The following OSBP2 variants were observed in gnomAD, a reference collection of about 807,000 sequenced individuals.
The protein encoded by OSBP2 is oxysterol-binding protein 2.
Under a neutral mutation model 96.0 loss-of-function variants are expected in OSBP2, and 66 were observed. That is an observed-to-expected ratio of 0.69 (90% CI 0.56 to 0.84). The LOEUF (loss-of-function observed/expected upper bound fraction) is 0.84, where lower values mean the gene tolerates loss of function less well. Ranked by LOEUF, OSBP2 falls within the 40% of genes least tolerant of loss-of-function variation. The probability of loss-of-function intolerance (pLI) is 0.00; values close to 1 mark genes in which losing one functional copy is unlikely to be tolerated. For synonymous variants in OSBP2, 525 were observed against 520.9 expected (o/e 1.01, Z -0.11); for missense variants, 1,038 against 1,222.7 (o/e 0.85, Z 2.25).
intron 2 of OSBP2, among the ~76,000 whole-genome samples, chr22:30,846,039 T>C (rs2038863577): frequency 6.6e-6 from 1 of 152,182 alleles, no homozygotes; most frequent in African/African-American, 2.4e-5. Context: ...TGTGGATATA[T>C]GTTTTCATTT....
intron 2 of OSBP2, among the ~76,000 whole-genome samples, chr22:30,859,730 G>C (rs1378239409): frequency 6.6e-6 from 1 of 152,246 alleles, no homozygotes; most frequent in Non-Finnish European, 1.5e-5. Flanking sequence ...GGAAAAGCAT[G>C]ATGGGCCGGA....
chr22:30,717,591 T>G (rs1969511729), intron 1 of OSBP2, among the ~76,000 whole-genome samples: 1 of 152,218 alleles, frequency 6.6e-6, no homozygotes, highest in Non-Finnish European at 1.5e-5. Flanking sequence ...TATAAAGCCC[T>G]GTACTTACAA....
chr22:30,836,388 GCTC>G (rs2038633282), intron 2 of OSBP2, among the ~76,000 whole-genome samples: 1 of 152,142 alleles, frequency 6.6e-6, no homozygotes. Flanking sequence ...CGACTTGCAG[GCTC>G]TACCCTTAGC....
intron 1 of OSBP2, among the ~76,000 whole-genome samples, chr22:30,712,657 C>T (rs986216181): frequency 2.0e-5 from 3 of 152,200 alleles, no homozygotes; most frequent in African/African-American, 7.2e-5. Context: ...GGATCACCCT[C>T]ATTTTACAGA....
intron 12 of OSBP2, among the ~76,000 whole-genome samples, chr22:30,897,676 G>A (rs952831163): frequency 2.0e-5 from 3 of 152,206 alleles, no homozygotes; most frequent in African/African-American, 4.8e-5. Context: ...GTGACTCAAC[G>A]CCTGTAATCC....
chr22:30,876,592 C>T (rs2039585135), intron 3 of OSBP2, among the ~76,000 whole-genome samples: 1 of 152,220 alleles, frequency 6.6e-6, no homozygotes, highest in Non-Finnish European at 1.5e-5. Context: ...GCCACCTGTC[C>T]CTGGTTGCGT....
chr22:30,884,882 C>T (rs916456271), intron 3 of OSBP2, among the ~76,000 whole-genome samples: 6 of 152,222 alleles, frequency 3.9e-5, no homozygotes, highest in African/African-American at 1.2e-4. Context: ...GCATTCCTGG[C>T]ACAGTCGCTG....
chr22:30,890,997 G>T lies in OSBP2; in HGVS notation c.1869+24G>T. 1 of 1,593,542 alleles carries T rather than the reference G, an allele frequency of 6.3e-7. No homozygotes were observed. The highest frequency in any genetic ancestry group is 8.5e-7 in the Non-Finnish European group (1 of 1,174,352). On this transcript the variant is annotated intron_variant, in intron 8 of 13. Coordinates refer to ENST00000332585, the MANE Select transcript of OSBP2 (RefSeq NM_030758.4). The surrounding 1 kb of genome is among the most constrained non-coding windows in gnomAD (Gnocchi z 4.4). ...AGGTGAGGGGGCTAGGCTGGCACTG[G>T]GTGGCGCCCACCCACACTCTGGCCA...
intron 3 of OSBP2, among the ~76,000 whole-genome samples, chr22:30,879,519 TG>T (rs2039656148): frequency 6.6e-6 from 1 of 152,246 alleles, no homozygotes; most frequent in Non-Finnish European, 1.5e-5. Flanking sequence ...GCTACCAGCC[TG>T]GGCCAAGCGC....
intron 1 of OSBP2, 37 bp from the exon 2 acceptor site, chr22:30,741,124 A>G: frequency 1.3e-6 from 2 of 1,516,268 alleles, no homozygotes; most frequent in Non-Finnish European, 9.1e-7. Flanking sequence ...CATTGAGATT[A>G]GGAGCCTCAC....
chr22:30,716,448 G>GT (rs1320131704), intron 1 of OSBP2, among the ~76,000 whole-genome samples: 1 of 149,804 alleles, frequency 6.7e-6, no homozygotes, highest in Non-Finnish European at 1.5e-5. Context: ...TTTGTTTTTT[G>GT]TTTTTTTGAG....
chr22:30,816,613 G>A (rs538799332), intron 2 of OSBP2, among the ~76,000 whole-genome samples: 45 of 152,336 alleles, frequency 3.0e-4, no homozygotes, highest in Non-Finnish European at 6.2e-4. Flanking sequence ...TCCCAGAGAG[G>A]CGGCCTCTGT....
intron 2 of OSBP2, among the ~76,000 whole-genome samples, chr22:30,781,465 G>A (rs930056185): frequency 6.6e-6 from 1 of 152,156 alleles, no homozygotes; most frequent in Non-Finnish European, 1.5e-5. Context: ...TTTGTCCTGT[G>A]GCTCAGGCCC....
intron 12 of OSBP2, 118 bp from the exon 13 acceptor site, chr22:30,905,719 G>T (rs367851434): frequency 3.5e-6 from 5 of 1,430,956 alleles, no homozygotes; most frequent in Non-Finnish European, 4.6e-6. Flanking sequence ...TCCTGGACGC[G>T]GGGAGCTGGA....
intron 2 of OSBP2, among the ~76,000 whole-genome samples, chr22:30,800,967 G>A (rs1056191618): frequency 4.6e-5 from 7 of 152,126 alleles, no homozygotes; most frequent in African/African-American, 1.7e-4. Context: ...TTCCTCGCTC[G>A]TCTTCTGGAA....
intron 2 of OSBP2, among the ~76,000 whole-genome samples, chr22:30,770,227 G>C (rs150107854): frequency 1.3e-3 from 200 of 151,774 alleles, no homozygotes; most frequent in African/African-American, 4.6e-3. Context: ...AGCCTCCTGA[G>C]TAGCTGGGAT....
intron 2 of OSBP2, among the ~76,000 whole-genome samples, chr22:30,752,702 A>T (rs967684321): frequency 6.6e-6 from 1 of 152,166 alleles, no homozygotes; most frequent in Non-Finnish European, 1.5e-5. Flanking sequence ...TCTCTCCTGG[A>T]TCAAGGAAAA....
chr22:30,794,262 ATTTTT>A (rs136291), intron 2 of OSBP2, among the ~76,000 whole-genome samples: 1 of 134,904 alleles, frequency 7.4e-6, no homozygotes. Flanking sequence ...TCCTCTATTC[ATTTTT>A]TTTTTTTTTT....
At chr22:30,746,632 G>A (rs192307695) in intron 2 of OSBP2, among the ~76,000 whole-genome samples, 1 of 151,834 alleles carries the variant, frequency 6.6e-6, no homozygotes, top group East Asian at 1.9e-4. Flanking sequence ...TGGGATTACA[G>A]GCACCTACCA....
Sources: allele counts gnomAD v4.1 joint callset (sites outside exome capture counted in the v4.1 genomes callset), GRCh38; gene constraint gnomAD v4.1.1; non-coding constraint Gnocchi (gnomAD v3.1); transcripts MANE v1.5; gene names NCBI Gene and HGNC (gene_info 2026-07-23, HGNC 2026-07-21).